Variants in TJP3 observed in about 807,000 individuals in gnomAD.
The protein encoded by TJP3 is tight junction protein 3.
Under a neutral mutation model 104.2 loss-of-function variants are expected in TJP3, and 85 were observed. The ratio of observed to expected loss-of-function variants is 0.82; its 90% CI spans 0.68 to 0.98. The LOEUF is 0.98. TJP3 is among the 50% of genes least tolerant of loss of function. The pLI is 0.00. For missense variants in TJP3, 1,367 were observed against 1,322.8 expected, an observed-to-expected ratio of 1.03 and a Z score of -0.52; for synonymous variants, 550 against 550.6, an observed-to-expected ratio of 1.00 and a Z score of 0.02.
intron 15 of TJP3, among the ~76,000 whole-genome samples, chr19:3,745,337 G>T (rs1350993956): frequency 3.3e-5 from 5 of 151,812 alleles, no homozygotes; most frequent in Admixed American, 6.6e-5. Flanking sequence ...GTGGAGACAG[G>T]TTTCGCCGTT....
At chr19:3,748,379 C>G (rs544763877) in intron 19 of TJP3, among the ~76,000 whole-genome samples, 91 of 148,586 alleles carry the variant, frequency 6.1e-4, no homozygotes, top group Non-Finnish European at 9.8e-4. Flanking sequence ...TCAAGCGATT[C>G]TCCTGCCTCA....
chr19:3,722,607 G>C (rs2036552263), intron 1 of TJP3, among the ~76,000 whole-genome samples: 1 of 149,834 alleles, frequency 6.7e-6, no homozygotes, highest in Admixed American at 6.6e-5. Context: ...CCTTGTCTCC[G>C]GAGGGATTTC....
At chr19:3,724,352 C>A (rs973045478) in intron 1 of TJP3, among the ~76,000 whole-genome samples, 3 of 152,046 alleles carry the variant, frequency 2.0e-5, no homozygotes, top group Non-Finnish European at 4.4e-5. Context: ...CCGGCCACCA[C>A]GCCCTGCTAA....
At position 3,735,990 on chromosome 19, in the gene TJP3, C is replaced by G. The variant is rs1286064942; in HGVS notation, c.1127+55C>G. ...TCAAAACTCCTACATCCCAGGCTGC[C>G]TCCCTCATCAGCGCAATCCTGCCTG... On this transcript the variant is annotated intron_variant, in intron 10 of 20. Transcript: ENST00000541714. 4 of 1,606,610 alleles carry G rather than the reference C, an allele frequency of 2.5e-6. No homozygotes were observed. The East Asian group carries it at 8.9e-5, about 36-fold the overall frequency.
At chr19:3,743,825 G>GT in intron 14 of TJP3, 114 bp from the exon 15 acceptor site, 1 of 948,752 alleles carries the variant, frequency 1.1e-6, no homozygotes, top group African/African-American at 1.6e-5. Flanking sequence ...GGTAGCTATG[G>GT]TCCTGGTTAA....
intron 14 of TJP3, among the ~76,000 whole-genome samples, chr19:3,743,314 T>A (rs1263005467): frequency 6.6e-6 from 1 of 152,110 alleles, no homozygotes; most frequent in Non-Finnish European, 1.5e-5. Flanking sequence ...AGAGAAGGAT[T>A]AAGTTGCAAA....
chr19:3,717,042 T>C (rs1463810222), intron 1 of TJP3, among the ~76,000 whole-genome samples: 1 of 144,436 alleles, frequency 6.9e-6, no homozygotes, highest in Non-Finnish European at 1.5e-5. Context: ...TTCGGCTCAC[T>C]GCAACCTCCG....
chr19:3,744,199 A>G (rs1482735223), intron 15 of TJP3, among the ~76,000 whole-genome samples, 165 bp downstream of exon 15: 1 of 152,130 alleles, frequency 6.6e-6, no homozygotes, highest in Non-Finnish European at 1.5e-5. Flanking sequence ...CCATCTTGGC[A>G]CCGTTTGTCT....
intron 18 of TJP3, 80 bp from the exon 19 acceptor site, chr19:3,747,714 G>A: frequency 6.9e-7 from 1 of 1,440,812 alleles, no homozygotes; most frequent in Non-Finnish European, 9.1e-7. Context: ...TGGGACCAGA[G>A]TTTGAAGGTG....
chr19:3,726,584 G>GA (rs1568380799), intron 1 of TJP3, among the ~76,000 whole-genome samples: 7 of 147,984 alleles, frequency 4.7e-5, no homozygotes, highest in Non-Finnish European at 4.5e-5. Flanking sequence ...CAGCAACAGA[G>GA]TTTTTTTTGT....
chr19:3,742,827 G>A (rs573152759), intron 14 of TJP3, among the ~76,000 whole-genome samples: 12 of 150,954 alleles, frequency 7.9e-5, no homozygotes, highest in East Asian at 2.0e-4. Context: ...TTAGCCGGGC[G>A]TGGTGGTGGG....
intron 1 of TJP3, among the ~76,000 whole-genome samples, chr19:3,727,756 G>A (rs1466975924): frequency 1.3e-5 from 2 of 152,074 alleles, no homozygotes; most frequent in East Asian, 3.9e-4. Flanking sequence ...AATTAGCCTG[G>A]CGTGGTGGTG....
At position 3,730,442 on chromosome 19, in the gene TJP3, G is replaced by A. The variant is rs768916885; in HGVS notation, c.349G>A (p.Gly117Arg). Reference protein sequence around the residue: ...PGRQDSDEDDGPQRVEEVDQG... With the variant: ...PGRQDSDEDDRPQRVEEVDQG... The stretch of plus-strand genomic sequence containing the variant: ...GCGCCAGGACTCGGATGAAGACGAT[G>A]GGCCCCAGCGGGTGGAGGAGGTGGA... The change falls in exon 5 of 21, where the codon GGG becomes AGG. Residue 117 changes from glycine (G) to arginine (R), a missense_variant. Physicochemically the swap from Gly to Arg is moderately radical, Grantham distance 125 (BLOSUM62 -2). Transcript: ENST00000541714. The surrounding 1 kb of genome is among the most constrained non-coding windows in gnomAD (Gnocchi z 7.3). The A allele has an allele frequency of 4.3e-5, 69 of 1,588,312 alleles. No individual in the cohort carries two copies. The highest frequency in any genetic ancestry group is 5.8e-5 in the Non-Finnish European group (68 of 1,168,140).
chr19:3,747,770 G>GCAGCATCCACACCCACCCCA (rs2036919472), intron 18 of TJP3, 24 bp from the exon 19 acceptor site: 2 of 1,538,006 alleles, frequency 1.3e-6, no homozygotes, highest in Admixed American at 3.7e-5. Flanking sequence ...AGGGCCAGCC[G>GCAGCATCCACACCCACCCCA]CAGCATCCAC....
chr19:3,718,245 G>GTGTGTGTGTC (rs1568378234), intron 1 of TJP3, among the ~76,000 whole-genome samples: 3 of 97,136 alleles, frequency 3.1e-5, no homozygotes, highest in African/African-American at 4.4e-5. Context: ...GTGTGTGTGT[G>GTGTGTGTGTC]TGTGTGTGTG....
chr19:3,728,373 C>G, intron 1 of TJP3, 51 bp from the exon 2 acceptor site: 1 of 1,613,776 alleles, frequency 6.2e-7, no homozygotes, highest in Non-Finnish European at 8.5e-7. Context: ...CCCAAGTGCT[C>G]AGATGAACCT....
chr19:3,717,846 C>T (rs1239360383), intron 1 of TJP3, among the ~76,000 whole-genome samples: 1 of 151,220 alleles, frequency 6.6e-6, no homozygotes, highest in Non-Finnish European at 1.5e-5. Flanking sequence ...ACCGCCTGGG[C>T]TCAAGCAATC....
chr19:3,739,149 C>T lies in TJP3; in HGVS notation c.1631+15C>T. 1 of 1,509,980 alleles carries T rather than the reference C, an allele frequency of 6.6e-7. No homozygotes were observed. The highest frequency in any genetic ancestry group is 8.9e-7 in the Non-Finnish European group (1 of 1,128,566). 93.5% of individuals were successfully genotyped at this position (1,509,980 alleles called of 1,614,324 possible). On this transcript the variant is annotated intron_variant, in intron 13 of 20. Coordinates refer to ENST00000541714, the MANE Select transcript of TJP3 (RefSeq NM_001267560.2). ...AACCAGAGCAGGTGGGGACTGTGTG[C>T]TCCTGCAGTGGGGCACTTCTGCTTC...
At chr19:3,737,314 C>T (rs1042558077) in intron 11 of TJP3, among the ~76,000 whole-genome samples, 3 of 152,118 alleles carry the variant, frequency 2.0e-5, no homozygotes, top group Non-Finnish European at 2.9e-5. Context: ...ATGACCTTGT[C>T]TGGGTCGCAA....
Sources: gnomAD v4.1 joint callset for allele counts (sites outside exome capture counted in the v4.1 genomes callset) on GRCh38, gnomAD v4.1.1 for gene constraint, Gnocchi (gnomAD v3.1) non-coding constraint, MANE v1.5 for transcripts, NCBI Gene and HGNC (gene_info 2026-07-23, HGNC 2026-07-21) for gene names.